Variants in IFT52 observed in about 807,000 individuals in gnomAD.
The protein encoded by IFT52 is intraflagellar transport 52.
Under a neutral mutation model 54.4 loss-of-function variants are expected in IFT52, and 44 were observed. That is an observed-to-expected ratio of 0.81 (90% CI 0.63 to 1.04). The LOEUF is 1.04. IFT52 is among the 50% of genes least tolerant of loss of function. The probability of loss-of-function intolerance (pLI) is 0.00; values close to 1 mark genes in which losing one functional copy is unlikely to be tolerated. For missense variants in IFT52, 452 were observed against 523.6 expected, an observed-to-expected ratio of 0.86 and a Z score of 1.33; for synonymous variants, 181 against 185.3, an observed-to-expected ratio of 0.98 and a Z score of 0.19.
chr20:43,597,890 CAAAAAAAA>C (rs36068236), intron 3 of IFT52, among the ~76,000 whole-genome samples: 232 of 102,012 alleles, frequency 2.3e-3, no homozygotes, highest in Non-Finnish European at 3.4e-3. Context: ...GAGACTCTTT[CAAAAAAAA>C]AAAAAAAAAA....
At chr20:43,617,272 A>C (rs1190523416) in intron 7 of IFT52, among the ~76,000 whole-genome samples, 2 of 152,222 alleles carry the variant, frequency 1.3e-5, no homozygotes, top group African/African-American at 4.8e-5. Context: ...ACAATGTGTG[A>C]AAGAACTTAT....
intron 6 of IFT52, 139 bp from the exon 7 acceptor site, chr20:43,613,711 C>T (rs987116642): frequency 6.2e-5 from 47 of 756,478 alleles, no homozygotes; most frequent in African/African-American, 4.0e-4. Flanking sequence ...GAGCCAAGAT[C>T]GCACCACTGC....
In IFT52 at chr20:43,594,829, T is replaced by C. The variant is rs771076234; in HGVS notation, c.119+12T>C. 3.1e-6 allele frequency: 4 copies of C among 1,303,752 alleles called. No individual in the cohort carries two copies. Among genetic ancestry groups the C allele is most frequent in the Non-Finnish European group, 4.5e-6 (4 of 897,686 alleles). 80.8% of individuals were successfully genotyped at this position (1,303,752 alleles called of 1,614,324 possible). A position where few individuals can be genotyped will look rare whatever the true frequency, so the allele number is the denominator to read the frequency against. ...TGGAAGATTCAGAGGTGACTGACCA[T>C]GTATATTGTTTTCCCTTCTAAATGA... On this transcript the variant is annotated intron_variant, in intron 2 of 13. Coordinates refer to ENST00000373030, the MANE Select transcript of IFT52 (RefSeq NM_016004.5).
chr20:43,597,275 G>A (rs1046049441), intron 3 of IFT52, among the ~76,000 whole-genome samples: 7 of 151,432 alleles, frequency 4.6e-5, no homozygotes, highest in African/African-American at 1.7e-4. Context: ...AGAGGCTGAG[G>A]CAGGAGAATC....
chr20:43,635,845 G>T, intron 10 of IFT52, 81 bp from the exon 11 acceptor site: 1 of 1,252,710 alleles, frequency 8.0e-7, no homozygotes, highest in South Asian at 1.3e-5. Flanking sequence ...GTATTTCATG[G>T]AGAACAACAC....
chr20:43,607,284 G>A (rs1469774827), intron 6 of IFT52, among the ~76,000 whole-genome samples: 4 of 150,464 alleles, frequency 2.7e-5, no homozygotes, highest in Middle Eastern at 3.5e-3. Flanking sequence ...CCTCCCTCCC[G>A]GACGGGGCGG....
intron 8 of IFT52, among the ~76,000 whole-genome samples, chr20:43,619,595 G>C (rs534361833): frequency 2.0e-5 from 3 of 152,246 alleles, no homozygotes; most frequent in African/African-American, 7.2e-5. Context: ...GGTGTGAGTG[G>C]AGAGGAGGGG....
In IFT52 at chr20:43,621,011, G is replaced by T; in HGVS notation, c.768+86G>T. The T allele has an allele frequency of 3.2e-6, 3 of 950,868 alleles. No homozygotes were observed. The South Asian group carries it at 4.2e-5, about 13-fold the overall frequency. The allele number at this position is 950,868 out of a possible 1,614,324, so 58.9% of individuals were successfully genotyped here. On this transcript the variant is annotated intron_variant, in intron 9 of 13. Transcript: ENST00000373030. Reference sequence around the variant, plus strand: ...TTCTCACAGCTCAAAAGGAATACATGACTGTCTTAACTCATCTGTAAGACA... The same window carrying T: ...TTCTCACAGCTCAAAAGGAATACATTACTGTCTTAACTCATCTGTAAGACA...
chr20:43,639,521 T>C (rs917174392), intron 12 of IFT52, among the ~76,000 whole-genome samples: 1 of 152,104 alleles, frequency 6.6e-6, no homozygotes, highest in Admixed American at 6.6e-5. Flanking sequence ...AAATACAAAA[T>C]TAGCTGGGTG....
At chr20:43,642,253 A>G (rs1419327033) in intron 12 of IFT52, 2 of 443,516 alleles carry the variant, frequency 4.5e-6, no homozygotes, top group African/African-American at 2.0e-5. Flanking sequence ...AGCCAGTACC[A>G]GTCCAGTTTT....
intron 8 of IFT52, among the ~76,000 whole-genome samples, chr20:43,619,282 C>T (rs1467020395): frequency 2.0e-5 from 3 of 152,066 alleles, no homozygotes; most frequent in Non-Finnish European, 4.4e-5. Flanking sequence ...GGGGTGGGAG[C>T]TGAGCCTGGA....
At chr20:43,616,485 G>A (rs893357202) in intron 7 of IFT52, among the ~76,000 whole-genome samples, 22 of 150,546 alleles carry the variant, frequency 1.5e-4, no homozygotes, top group African/African-American at 5.4e-4. Context: ...CTCCAGCCTG[G>A]GCAGTGGAGC....
At chr20:43,629,779 T>A (rs1036936483) in intron 10 of IFT52, among the ~76,000 whole-genome samples, 1 of 152,162 alleles carries the variant, frequency 6.6e-6, no homozygotes, top group Admixed American at 6.6e-5. Context: ...CCCTCTCATC[T>A]CCCCTTCCTT....
intron 3 of IFT52, among the ~76,000 whole-genome samples, chr20:43,602,077 C>T (rs1052434399): frequency 3.9e-5 from 6 of 152,112 alleles, no homozygotes; most frequent in African/African-American, 1.4e-4. Flanking sequence ...CACATTTCTA[C>T]AGAAACACAG....
At chr20:43,639,763 C>T (rs574233673) in intron 12 of IFT52, among the ~76,000 whole-genome samples, 3 of 151,852 alleles carry the variant, frequency 2.0e-5, no homozygotes, top group African/African-American at 7.3e-5. Flanking sequence ...CACTTGGGCC[C>T]AAGAGTTGGA....
Position 43,619,046 on chromosome 20 carries a change from A to G in IFT52, c.699+20A>G, listed in dbSNP as rs749866708. ...ATCATGGTAAGCTTTTTCTTTTGTC[A>G]TATTAATATACAATGTGTATTATTT... On this transcript the variant is annotated intron_variant, in intron 8 of 13. Transcript: ENST00000373030. 1.2e-5 allele frequency: 17 copies of G among 1,459,528 alleles called. No homozygotes were observed. Among genetic ancestry groups the G allele is most frequent in the Non-Finnish European group, 1.6e-5 (17 of 1,041,668 alleles). 90.4% of individuals were successfully genotyped at this position (1,459,528 alleles called of 1,614,324 possible). A position where few individuals can be genotyped will look rare whatever the true frequency, so the allele number is the denominator to read the frequency against.
At chr20:43,596,345 C>G in intron 2 of IFT52, 90 bp from the exon 3 acceptor site, 1 of 777,668 alleles carries the variant, frequency 1.3e-6, no homozygotes, top group South Asian at 1.8e-5. Flanking sequence ...CCTCTGTGGC[C>G]TCTGCTTCCA....
intron 3 of IFT52, among the ~76,000 whole-genome samples, chr20:43,601,199 A>AATATTATT (rs1982415359): frequency 6.6e-6 from 1 of 152,110 alleles, no homozygotes; most frequent in Admixed American, 6.6e-5. Flanking sequence ...TATTAATATT[A>AATATTATT]ATATTATGGT....
intron 7 of IFT52, among the ~76,000 whole-genome samples, chr20:43,617,315 A>G (rs928901444): frequency 6.6e-6 from 1 of 152,162 alleles, no homozygotes; most frequent in South Asian, 2.1e-4. Flanking sequence ...TGTTTATATC[A>G]TATTTTCATA....
Sources: gnomAD v4.1 joint callset for allele counts (sites outside exome capture counted in the v4.1 genomes callset) on GRCh38, gnomAD v4.1.1 for gene constraint, MANE v1.5 for transcripts, NCBI Gene and HGNC (gene_info 2026-07-23, HGNC 2026-07-21) for gene names.